Variants in SYNJ1 observed in about 807,000 individuals in gnomAD.
SYNJ1 encodes synaptojanin 1.
Under a neutral mutation model 168.2 loss-of-function variants are expected in SYNJ1, and 78 were observed. That is an observed-to-expected ratio of 0.46 (90% CI 0.39 to 0.56). SYNJ1 has a LOEUF of 0.56. Ranked by LOEUF, SYNJ1 falls within the 20% of genes least tolerant of loss-of-function variation. The probability of loss-of-function intolerance (pLI) is 0.00; values close to 1 mark genes in which losing one functional copy is unlikely to be tolerated. For missense variants in SYNJ1, 1,303 were observed against 1,597.6 expected (o/e 0.82, Z 3.14); for synonymous variants, 539 against 548.6 (o/e 0.98, Z 0.24).
intron 2 of SYNJ1, among the ~76,000 whole-genome samples, chr21:32,723,663 C>T (rs1009277080): frequency 2.6e-5 from 4 of 151,916 alleles, no homozygotes; most frequent in East Asian, 1.9e-4. Flanking sequence ...CAAAAAAATA[C>T]GAAAAAAATT....
rs757598856 is a variant in SYNJ1, at chr21:32,631,350, G to A, written c.*455C>T. 6.2e-7 allele frequency: 1 copy of A among 1,614,164 alleles called. No individual in the cohort carries two copies. The highest frequency in any genetic ancestry group is 1.7e-5 in the Admixed American group (1 of 60,008). ...ACTGTCCTTAAAGCCATCAAGTGAA[G>A]ATGAAGCCCTGCTTTTGTTATGACC... On this transcript the variant is annotated 3_prime_UTR_variant, in exon 33 of 33. Coordinates refer to ENST00000674351, the MANE Select transcript of SYNJ1 (RefSeq NM_203446.3).
At position 32,685,674 on chromosome 21, in the gene SYNJ1, T is replaced by G. The variant is rs113789616; in HGVS notation, c.1118+74A>C. The G allele has an allele frequency of 3.9e-5, 42 of 1,081,064 alleles. 3 individuals carry two copies. In the African/African-American group the frequency reaches 4.8e-4, roughly 12 times the overall value. The allele number at this position is 1,081,064 out of a possible 1,614,324, so 67.0% of individuals were successfully genotyped here. A position where few individuals can be genotyped will look rare whatever the true frequency, so the allele number is the denominator to read the frequency against. ...TAAACTTTAATTTTAAAAAGAAAAT[T>G]TAAGAGTTCAACGTTAAGAATAATT... On this transcript the variant is annotated intron_variant, in intron 9 of 32. Transcript: ENST00000674351.
At chr21:32,686,928 C>T in intron 8 of SYNJ1, 50 bp downstream of exon 8, 2 of 1,183,798 alleles carry the variant, frequency 1.7e-6, no homozygotes, top group East Asian at 2.7e-5. Flanking sequence ...TTTTTAATAC[C>T]ATTCTAGGTG....
rs57470866 is a variant in SYNJ1, at chr21:32,685,425, C to CAAA, written c.1118+320_1118+322dup. On this transcript the variant is annotated intron_variant, in intron 9 of 32. Transcript: ENST00000674351. ...AATACAGGGAGACCCCCGTCTCTAC[C>CAAA]AAAAAAAAAAAAAAAAAAAAAAAAT... Among the ~76,000 whole-genome samples, 234 of 67,164 alleles carry CAAA rather than the reference C, an allele frequency of 3.5e-3. 5 individuals are homozygous for CAAA. The highest frequency in any genetic ancestry group is 6.0e-3 in the African/African-American group (96 of 15,878). 44.1% of individuals were successfully genotyped at this position (67,164 alleles called of 152,430 possible). A position where few individuals can be genotyped will look rare whatever the true frequency, so the allele number is the denominator to read the frequency against.
At chr21:32,723,321 T>C (rs967636737) in intron 2 of SYNJ1, among the ~76,000 whole-genome samples, 9 of 152,244 alleles carry the variant, frequency 5.9e-5, no homozygotes, top group African/African-American at 1.9e-4. Context: ...AATTAAGTGA[T>C]TGCTAATCCT....
rs751922511 is a variant in SYNJ1, at chr21:32,694,216, TCAAA to T, written c.789+8_789+11del. On this transcript the variant is annotated splice_region_variant and intron_variant, in intron 6 of 32. Transcript: ENST00000674351. ...TTCAAAAAACAAAAATAACTGAATGTCAAACACATACTTGCAACCCTGGTTGCTC... is the reference window on the plus strand; with the variant it reads ...TTCAAAAAACAAAAATAACTGAATGTCACATACTTGCAACCCTGGTTGCTC... The T allele has an allele frequency of 8.3e-5, 127 of 1,531,132 alleles. No individual in the cohort carries two copies. Among genetic ancestry groups the T allele is most frequent in the Non-Finnish European group, 9.7e-5 (111 of 1,147,842 alleles). 94.8% of individuals were successfully genotyped at this position (1,531,132 alleles called of 1,614,324 possible).
chr21:32,695,637 T>A (rs892354323), intron 4 of SYNJ1, among the ~76,000 whole-genome samples: 10 of 119,732 alleles, frequency 8.4e-5, no homozygotes, highest in Admixed American at 4.0e-4. Context: ...AAAAAAATAT[T>A]TATTTATTTA....
chr21:32,669,745 G>A (rs754095786), intron 15 of SYNJ1, among the ~76,000 whole-genome samples: 17 of 152,084 alleles, frequency 1.1e-4, no homozygotes, highest in South Asian at 4.1e-4. Context: ...TAGTATCAGA[G>A]AAGAAATTAT....
chr21:32,705,226 A>G (rs1417107433), intron 2 of SYNJ1, among the ~76,000 whole-genome samples: 2 of 152,124 alleles, frequency 1.3e-5, no homozygotes, highest in Non-Finnish European at 1.5e-5. Flanking sequence ...AAACACAGAT[A>G]TAAGTATATA....
Position 32,724,277 on chromosome 21 carries a change from C to T in SYNJ1, c.124+2495G>A, listed in dbSNP as rs181469331. The stretch of plus-strand genomic sequence containing the variant: ...CTGAGGCAGGCGAATCACCTGAGGT[C>T]AGGAGTTCAAGACCAGCCTGGCCAA... On this transcript the variant is annotated intron_variant, in intron 2 of 32. Transcript: ENST00000674351. Among the ~76,000 whole-genome samples the T allele has an allele frequency of 8.3e-3, 1,260 of 152,286 alleles. 29 individuals carry two copies. Among genetic ancestry groups the T allele is most frequent in the African/African-American group, 0.029 (1,209 of 41,556 alleles).
At chr21:32,666,295 A>G (rs754474667) in intron 16 of SYNJ1, 138 bp downstream of exon 16, 19 of 1,456,472 alleles carry the variant, frequency 1.3e-5, no homozygotes, top group Non-Finnish European at 1.6e-5. Context: ...GTCTTTAATC[A>G]AAACCCCCAA....
At chr21:32,661,907 T>C (rs1265783218) in intron 18 of SYNJ1, among the ~76,000 whole-genome samples, 1 of 152,026 alleles carries the variant, frequency 6.6e-6, no homozygotes, top group Non-Finnish European at 1.5e-5. Context: ...AATCTCAACT[T>C]GGGTAAATGA....
At chr21:32,645,028 G>T in intron 25 of SYNJ1, 22 bp from the exon 26 acceptor site, 1 of 1,594,792 alleles carries the variant, frequency 6.3e-7, no homozygotes, top group Non-Finnish European at 8.5e-7. Context: ...TAAGAAAATA[G>T]GCAGCAGAAA....
intron 6 of SYNJ1, among the ~76,000 whole-genome samples, chr21:32,692,305 G>A (rs1249707318): frequency 2.0e-5 from 3 of 152,190 alleles, no homozygotes; most frequent in African/African-American, 4.8e-5. Context: ...GGCCGGGCAC[G>A]GTGGCTCATG....
chr21:32,663,297 C>T (rs1324341851), intron 18 of SYNJ1, among the ~76,000 whole-genome samples: 1 of 152,116 alleles, frequency 6.6e-6, no homozygotes, highest in Non-Finnish European at 1.5e-5. Flanking sequence ...TCACTCACCC[C>T]GTAGGATGAC....
intron 12 of SYNJ1, among the ~76,000 whole-genome samples, chr21:32,677,327 A>G (rs1461968403): frequency 4.6e-5 from 7 of 152,200 alleles, no homozygotes; most frequent in Non-Finnish European, 7.3e-5. Flanking sequence ...AATTGGCCTT[A>G]TGCTCAAACA....
Position 32,665,997 on chromosome 21 carries a change from G to A in SYNJ1, c.2091C>T (p.Val697=). The A allele has an allele frequency of 6.2e-7, 1 of 1,613,044 alleles. No homozygotes were observed. The highest frequency in any genetic ancestry group is 1.1e-5 in the South Asian group (1 of 90,820). The stretch of plus-strand genomic sequence containing the variant: ...CTATAAAATCTTCATTTCTTTCTTT[G>A]ACTTGTGACTGCCCTGCAGCAAAGT... ...CSHFAAGQSQ[V]KERNEDFIEI... is the part of the protein sequence containing the mutation. The change falls in exon 17 of 33, where the codon GTC becomes GTT. Residue 697 remains valine, a synonymous_variant. Coordinates refer to ENST00000674351, the MANE Select transcript of SYNJ1 (RefSeq NM_203446.3).
chr21:32,643,781 G>A (rs2039950405), intron 26 of SYNJ1, among the ~76,000 whole-genome samples: 1 of 152,096 alleles, frequency 6.6e-6, no homozygotes. Context: ...CTTATATCCA[G>A]AGCAAGTAAA....
At chr21:32,681,737 T>A in intron 10 of SYNJ1, 89 bp from the exon 11 acceptor site, 1 of 1,249,960 alleles carries the variant, frequency 8.0e-7, no homozygotes, top group South Asian at 1.6e-5. Flanking sequence ...AAACCAAAAA[T>A]TTATCATTAT....
Sources: allele counts gnomAD v4.1 joint callset (sites outside exome capture counted in the v4.1 genomes callset), GRCh38; gene constraint gnomAD v4.1.1; transcripts MANE v1.5; gene names NCBI Gene and HGNC (gene_info 2026-07-23, HGNC 2026-07-21).